TBC1D32: variants seen among roughly 807,000 people sequenced by gnomAD.
The protein encoded by TBC1D32 is TBC1 domain family member 32, also known as protein broad-minded.
TBC1D32 carries 151 observed loss-of-function variants against 170.3 expected under a neutral mutation model. That is an observed-to-expected ratio of 0.89 (90% CI 0.78 to 1.01). TBC1D32 has a LOEUF of 1.01. TBC1D32 is among the 50% of genes least tolerant of loss of function. The pLI is 0.00. For missense variants in TBC1D32, 1,464 were observed against 1,457.1 expected, an observed-to-expected ratio of 1.00 and a Z score of -0.08; for synonymous variants, 498 against 488.0, an observed-to-expected ratio of 1.02 and a Z score of -0.27.
intron 30 of TBC1D32, among the ~76,000 whole-genome samples, chr6:121,095,661 G>A (rs1044194862): frequency 2.6e-5 from 4 of 152,038 alleles, no homozygotes; most frequent in South Asian, 2.1e-4. Flanking sequence ...GAATTTTGTC[G>A]AAGGCTTTTA....
chr6:121,257,369 T>G (rs1462671761), intron 15 of TBC1D32, among the ~76,000 whole-genome samples: 1 of 152,212 alleles, frequency 6.6e-6, no homozygotes, highest in South Asian at 2.1e-4. Flanking sequence ...GGTATCACAC[T>G]GACCTCTCTA....
intron 30 of TBC1D32, among the ~76,000 whole-genome samples, chr6:121,104,130 T>G (rs1778442451): frequency 6.6e-6 from 1 of 151,776 alleles, no homozygotes; most frequent in South Asian, 2.1e-4. Flanking sequence ...TTCTTCAAAA[T>G]AAATATGAAA....
intron 22 of TBC1D32, among the ~76,000 whole-genome samples, chr6:121,192,084 C>A (rs79215562): frequency 0.8 from 101,008 of 126,248 alleles, 42,812 homozygotes; most frequent in Non-Finnish European, 0.92. Flanking sequence ...ATATATATAT[C>A]CTATTAGTTC....
rs1339046853 is a variant in TBC1D32 at position 121,091,016 on chromosome 6, C to T, written c.3491G>A (p.Cys1164Tyr). 1 of 1,607,624 alleles carries T rather than the reference C, an allele frequency of 6.2e-7. No homozygotes were observed. The highest frequency in any genetic ancestry group is 2.2e-5 in the East Asian group (1 of 44,748). Residue 1164 changes from cysteine (C) to tyrosine (Y), a missense_variant, in exon 31 of 32, where the codon TGT becomes TAT. Coordinates refer to ENST00000398212, the MANE Select transcript of TBC1D32 (RefSeq NM_152730.6). ...TATCCAATCTAAGTAATTCCAAAAA[C>T]ACTGGGTTATCCATTGCAGGCAAAT... is the stretch of plus-strand genomic sequence containing the variant. ...SQICLQWITQCFWNYLDWIEI... is the reference protein window; with the variant it reads ...SQICLQWITQYFWNYLDWIEI...
chr6:121,318,920 A>T (rs1198647243), intron 2 of TBC1D32, among the ~76,000 whole-genome samples: 1 of 151,268 alleles, frequency 6.6e-6, no homozygotes, highest in Non-Finnish European at 1.5e-5. Flanking sequence ...AAAGAAGAAA[A>T]GGTAGTTTAT....
intron 31 of TBC1D32, among the ~76,000 whole-genome samples, chr6:121,088,210 C>T (rs1306487999): frequency 6.6e-6 from 1 of 152,102 alleles, no homozygotes; most frequent in African/African-American, 2.4e-5. Flanking sequence ...TCGCCTTGAC[C>T]TCCCAAGATA....
At chr6:121,274,858 G>A (rs900327508) in intron 15 of TBC1D32, among the ~76,000 whole-genome samples, 1 of 152,064 alleles carries the variant, frequency 6.6e-6, no homozygotes. Context: ...TTAAACTCCT[G>A]GACTTTGGTA....
At chr6:121,196,818 C>A (rs1263065952) in intron 22 of TBC1D32, among the ~76,000 whole-genome samples, 2 of 152,128 alleles carry the variant, frequency 1.3e-5, no homozygotes, top group Non-Finnish European at 2.9e-5. Context: ...GAATCAGCAT[C>A]CAATATATGA....
At chr6:121,089,638 T>G (rs553132033) in intron 31 of TBC1D32, among the ~76,000 whole-genome samples, 1 of 152,322 alleles carries the variant, frequency 6.6e-6, no homozygotes, top group East Asian at 1.9e-4. Context: ...GTTTCTAATC[T>G]AGTGATATAT....
intron 5 of TBC1D32, among the ~76,000 whole-genome samples, chr6:121,307,686 C>T (rs1807537421): frequency 6.6e-6 from 1 of 151,958 alleles, no homozygotes; most frequent in Non-Finnish European, 1.5e-5. Context: ...ATGGTCAAAC[C>T]GCATCTCTGC....
chr6:121,122,253 G>A (rs751573572), intron 26 of TBC1D32, among the ~76,000 whole-genome samples: 3 of 151,928 alleles, frequency 2.0e-5, no homozygotes, highest in Non-Finnish European at 4.4e-5. Flanking sequence ...AGCCATTCCT[G>A]TTTTTCAATA....
chr6:121,276,817 C>A (rs1391782846), intron 15 of TBC1D32, among the ~76,000 whole-genome samples: 1 of 152,082 alleles, frequency 6.6e-6, no homozygotes, highest in Non-Finnish European at 1.5e-5. Context: ...TAAAAAGGAA[C>A]ATTAAATAAC....
intron 6 of TBC1D32, 63 bp downstream of exon 6, chr6:121,304,692 C>T (rs1807048125): frequency 6.6e-7 from 1 of 1,521,704 alleles, no homozygotes; most frequent in Admixed American, 1.9e-5. Context: ...AAAATTATTT[C>T]CTATCCATTC....
At chr6:121,114,589 C>T (rs932274953) in intron 27 of TBC1D32, among the ~76,000 whole-genome samples, 2 of 152,064 alleles carry the variant, frequency 1.3e-5, no homozygotes, top group Non-Finnish European at 2.9e-5. Context: ...GCTTTTTAAA[C>T]AAATCTTACA....
At chr6:121,235,955 T>C (rs996991761) in intron 20 of TBC1D32, among the ~76,000 whole-genome samples, 2 of 152,222 alleles carry the variant, frequency 1.3e-5, no homozygotes, top group Admixed American at 6.5e-5. Flanking sequence ...TTATACATGC[T>C]GAAAATCTGT....
At chr6:121,294,713 G>GA in intron 10 of TBC1D32, 53 bp from the exon 11 acceptor site, 1 of 1,332,088 alleles carries the variant, frequency 7.5e-7, no homozygotes, top group African/African-American at 1.5e-5. Context: ...TCAAGTCCAA[G>GA]AATTAAAAGA....
chr6:121,256,236 C>G lies in TBC1D32; in HGVS notation c.1783G>C (p.Glu595Gln). The G allele has an allele frequency of 1.2e-6, 2 of 1,613,710 alleles. No individual in the cohort carries two copies. The highest frequency in any genetic ancestry group is 4.5e-5 in the East Asian group (2 of 44,832). The change falls in exon 16 of 32, where the codon GAA becomes CAA. Residue 595 changes from glutamate (E) to glutamine (Q), a missense_variant. This residue lies in a region of TBC1D32 where 1,363 missense variants were observed against 1,338.1 expected (regional missense o/e 1.02). Transcript: ENST00000398212. ...IAQFSKKLLD[E>Q]DISIFSGSEM... is the part of the protein sequence containing the mutation. The stretch of plus-strand genomic sequence containing the variant: ...GATCCAGAAAATATAGAAATATCTT[C>G]ATCGAGAAGTTTTTTCGAAAACTGG...
intron 24 of TBC1D32, among the ~76,000 whole-genome samples, chr6:121,142,065 G>A (rs2128226411): frequency 6.6e-6 from 1 of 152,342 alleles, no homozygotes; most frequent in Admixed American, 6.5e-5. Context: ...AATTGTGTTT[G>A]CTCCAAGCCT....
chr6:121,115,440 C>T (rs909036784), intron 26 of TBC1D32, 199 bp from the exon 27 acceptor site: 11 of 413,152 alleles, frequency 2.7e-5, no homozygotes, highest in Admixed American at 2.1e-4. Context: ...TAACTTTTTC[C>T]CATAAAAAGC....
Sources: allele counts gnomAD v4.1 joint callset (sites outside exome capture counted in the v4.1 genomes callset), GRCh38; gene constraint gnomAD v4.1.1; regional missense constraint gnomAD v4.1.1; transcripts MANE v1.5; gene names NCBI Gene and HGNC (gene_info 2026-07-23, HGNC 2026-07-21).